The following SEC23A variants were observed in gnomAD, a reference collection of about 807,000 sequenced individuals.
SEC23A encodes SEC23 homolog A, COPII component, also known as protein transport protein Sec23A.
In SEC23A, 56 loss-of-function variants were observed where a neutral mutation model predicts 103.7. The observed-to-expected ratio is 0.54, with a 90% confidence interval of 0.44 to 0.67. The LOEUF is 0.67. SEC23A is among the 30% of genes least tolerant of loss of function. The probability of loss-of-function intolerance (pLI) is 0.00; values close to 1 mark genes in which losing one functional copy is unlikely to be tolerated. For synonymous variants in SEC23A, 281 were observed against 293.0 expected (o/e 0.96, Z 0.42); for missense variants, 784 against 936.4 (o/e 0.84, Z 2.12).
At chr14:39,033,761 G>A (rs556696304) in intron 19 of SEC23A, among the ~76,000 whole-genome samples, 98 of 152,260 alleles carry the variant, frequency 6.4e-4, no homozygotes, top group African/African-American at 1.9e-3. Context: ...TTTTCAGGTC[G>A]TTTTAATTGA....
Position 39,096,052 on chromosome 14 carries a change from C to T in SEC23A, c.67G>A (p.Val23Ile), listed in dbSNP as rs1202278470. ...GCTTCCAGTCGACTTGATGGCCAAA[C>T]ATTCCAACTAAATCGGACTCCATCT... is the stretch of plus-strand genomic sequence containing the variant. ...ERDGVRFSWN[V>I]WPSSRLEATR... Residue 23 changes from valine (V) to isoleucine (I), a missense_variant, in exon 2 of 20, where the codon GTT (valine) becomes ATT (isoleucine). This residue lies in a region of SEC23A where 683 missense variants were observed against 774.2 expected (regional missense o/e 0.88). Transcript: ENST00000307712. 6.2e-7 allele frequency: 1 copy of T among 1,614,158 alleles called. No individual in the cohort carries two copies. Among genetic ancestry groups the T allele is most frequent in the South Asian group, 1.1e-5 (1 of 91,076 alleles).
At chr14:39,042,638 A>G (rs1263359402) in intron 17 of SEC23A, 148 bp downstream of exon 17, 1 of 611,652 alleles carries the variant, frequency 1.6e-6, no homozygotes, top group East Asian at 2.9e-5. Flanking sequence ...AAAACCTTAT[A>G]GTAGGCAGCA....
intron 1 of SEC23A, among the ~76,000 whole-genome samples, chr14:39,100,952 T>C (rs1485043373): frequency 2.0e-5 from 3 of 151,554 alleles, no homozygotes; most frequent in Non-Finnish European, 4.4e-5. Context: ...CAGGCGATTC[T>C]CCCGCCTCAG....
chr14:39,033,051 C>A lies in SEC23A; in HGVS notation c.*188G>T. 1 of 595,406 alleles carries A rather than the reference C, an allele frequency of 1.7e-6. No individual in the cohort carries two copies. The highest frequency in any genetic ancestry group is 3.0e-6 in the Non-Finnish European group (1 of 328,372). The allele number at this position is 595,406 out of a possible 1,614,324, so 36.9% of individuals were successfully genotyped here. A position where few individuals can be genotyped will look rare whatever the true frequency, so the allele number is the denominator to read the frequency against. Reference sequence around the variant, plus strand: ...CTGTGGTAAGCAAAATAAATTTGTTCTTATTGCTCTCATTATAATTCCAGC... The same window carrying A: ...CTGTGGTAAGCAAAATAAATTTGTTATTATTGCTCTCATTATAATTCCAGC... On this transcript the variant is annotated 3_prime_UTR_variant, in exon 20 of 20. Transcript: ENST00000307712.
chr14:39,083,829 T>C (rs541736742), intron 7 of SEC23A, among the ~76,000 whole-genome samples: 6 of 152,074 alleles, frequency 3.9e-5, no homozygotes, highest in African/African-American at 1.4e-4. Flanking sequence ...CCTCCCACGA[T>C]GCTGGGATTA....
intron 16 of SEC23A, among the ~76,000 whole-genome samples, chr14:39,043,382 T>C (rs1398873171): frequency 6.6e-6 from 1 of 152,182 alleles, no homozygotes; most frequent in Non-Finnish European, 1.5e-5. Flanking sequence ...GGAATCCCTT[T>C]AAGCTGAGGT....
In SEC23A at chr14:39,076,000, T is replaced by C; in HGVS notation, c.922A>G (p.Thr308Ala). 6.2e-7 allele frequency: 1 copy of C among 1,613,962 alleles called. No individual in the cohort carries two copies. The part of the protein sequence containing the change: ...PGMVVGDELK[T>A]PIRSWHDIDK... Reference sequence around the variant, plus strand: ...ATGTCATGCCACGATCTTATAGGTGTCTTCAACTCATCTCCAACCACCATT... The same window carrying C: ...ATGTCATGCCACGATCTTATAGGTGCCTTCAACTCATCTCCAACCACCATT... The change falls in exon 8 of 20, where the codon ACA becomes GCA. Residue 308 changes from threonine to alanine, a missense_variant. Thr to Ala is a moderately conservative substitution (Grantham distance 58). Coordinates refer to ENST00000307712, the MANE Select transcript of SEC23A (RefSeq NM_006364.4).
At chr14:39,066,673 T>C (rs1194099219) in intron 10 of SEC23A, among the ~76,000 whole-genome samples, 1 of 152,124 alleles carries the variant, frequency 6.6e-6, no homozygotes, top group African/African-American at 2.4e-5. Flanking sequence ...GAGACCAGCC[T>C]GGCCAACATG....
intron 1 of SEC23A, among the ~76,000 whole-genome samples, chr14:39,099,862 T>C (rs1190340106): frequency 6.6e-6 from 1 of 151,990 alleles, no homozygotes; most frequent in Non-Finnish European, 1.5e-5. Context: ...CTGTCTTCTA[T>C]TTAGCCTTTT....
rs1328574180 is a variant in SEC23A, at chr14:39,032,021, A to T, written c.*1218T>A. 1 of 152,658 alleles carries T rather than the reference A, an allele frequency of 6.6e-6. No individual in the cohort carries two copies. Among genetic ancestry groups the T allele is most frequent in the Non-Finnish European group, 1.5e-5 (1 of 68,030 alleles). 9.5% of individuals were successfully genotyped at this position (152,658 alleles called of 1,614,324 possible). ...TTAAGCTAATTGAATATAACACATAAACAATTTTTTCTTAAGTTTCTGCTT... is the reference window on the plus strand; with the variant it reads ...TTAAGCTAATTGAATATAACACATATACAATTTTTTCTTAAGTTTCTGCTT... On this transcript the variant is annotated 3_prime_UTR_variant, in exon 20 of 20. Transcript: ENST00000307712.
At chr14:39,050,382 A>G (rs1199915990) in intron 14 of SEC23A, among the ~76,000 whole-genome samples, 5 of 152,194 alleles carry the variant, frequency 3.3e-5, no homozygotes, top group African/African-American at 1.2e-4. Flanking sequence ...CCTAACCTCT[A>G]TAAGAAAATG....
rs1406641686 is a variant in SEC23A at position 39,058,228 on chromosome 14, G to A, written c.1506-2932C>T. On this transcript the variant is annotated intron_variant, in intron 13 of 19. Transcript: ENST00000307712. Reference sequence around the variant, plus strand: ...CCACTTTTACATGTAAGAGTGATGAGTGATCCTAAGGGAATTCAGGCAGCA... The same window carrying A: ...CCACTTTTACATGTAAGAGTGATGAATGATCCTAAGGGAATTCAGGCAGCA... Among the ~76,000 whole-genome samples, 7 of 151,396 alleles carry A rather than the reference G, an allele frequency of 4.6e-5. No homozygotes were observed. In the South Asian group the frequency reaches 6.2e-4, roughly 14 times the overall value.
At chr14:39,067,514 T>A (rs1886710187) in intron 9 of SEC23A, among the ~76,000 whole-genome samples, 1 of 130,088 alleles carries the variant, frequency 7.7e-6, no homozygotes, top group Non-Finnish European at 1.6e-5. Context: ...CCCCTAACAG[T>A]TGCATTTGTC....
In SEC23A at chr14:39,077,227, C is replaced by CAAAAAAAAAAAAAA. The variant is rs57549556; in HGVS notation, c.829-1148_829-1135dup. 2.2e-4 allele frequency among the ~76,000 whole-genome samples: 8 copies of CAAAAAAAAAAAAAA among 36,478 alleles called. 1 individual carries two copies. Among genetic ancestry groups the CAAAAAAAAAAAAAA allele is most frequent in the African/African-American group, 1.0e-3 (8 of 7,810 alleles). 23.9% of individuals were successfully genotyped at this position (36,478 alleles called of 152,430 possible). ...TGGGCAATGGAGCAAGACTCCATCT[C>CAAAAAAAAAAAAAA]AAAAAAAAAAAAAAAAAAAAAAAAA... On this transcript the variant is annotated intron_variant, in intron 7 of 19. Transcript: ENST00000307712.
At chr14:39,102,596 T>G (rs1382974828) in intron 1 of SEC23A, among the ~76,000 whole-genome samples, 1 of 152,226 alleles carries the variant, frequency 6.6e-6, no homozygotes, top group Non-Finnish European at 1.5e-5. Context: ...ACCAAGCTCT[T>G]TTCCCCTTTA....
At chr14:39,101,748 T>G (rs1888105278) in intron 1 of SEC23A, among the ~76,000 whole-genome samples, 1 of 152,232 alleles carries the variant, frequency 6.6e-6, no homozygotes, top group African/African-American at 2.4e-5. Context: ...TCCAATTACA[T>G]GTATTTGTTA....
intron 14 of SEC23A, among the ~76,000 whole-genome samples, chr14:39,053,243 TATA>T (rs1886129423): frequency 6.6e-6 from 1 of 152,226 alleles, no homozygotes; most frequent in African/African-American, 2.4e-5. Flanking sequence ...GACATCTGTG[TATA>T]ATAAGCTGAA....
chr14:39,097,219 C>T (rs775540876), intron 1 of SEC23A, among the ~76,000 whole-genome samples: 2 of 152,186 alleles, frequency 1.3e-5, no homozygotes, highest in African/African-American at 4.8e-5. Flanking sequence ...GTCTAAATGC[C>T]TAGGTAGGAT....
intron 14 of SEC23A, among the ~76,000 whole-genome samples, chr14:39,054,274 CAA>C (rs111991914): frequency 1.0e-4 from 12 of 115,426 alleles, no homozygotes; most frequent in Admixed American, 8.9e-5. Flanking sequence ...GACCCTGTCT[CAA>C]AAAAAAAAAA....
Sources: allele counts gnomAD v4.1 joint callset (sites outside exome capture counted in the v4.1 genomes callset), GRCh38; gene constraint gnomAD v4.1.1; regional missense constraint gnomAD v4.1.1; transcripts MANE v1.5; gene names NCBI Gene and HGNC (gene_info 2026-07-23, HGNC 2026-07-21).